HSPA5: variants seen among roughly 807,000 people sequenced by gnomAD.
HSPA5 encodes the protein endoplasmic reticulum chaperone BiP.
Under a neutral mutation model 49.5 loss-of-function variants are expected in HSPA5, and 16 were observed. The observed-to-expected ratio is 0.32, with a 90% CI of 0.22 to 0.49. The LOEUF is 0.49. Ranked by LOEUF, HSPA5 falls within the 20% of genes least tolerant of loss-of-function variation. The pLI, the probability that HSPA5 is intolerant of heterozygous loss-of-function variation, is 0.99. For synonymous variants in HSPA5, 271 were observed against 307.2 expected (o/e 0.88, Z 1.23); for missense variants, 376 against 819.0 (o/e 0.46, Z 6.60).
Position 125,241,249 on chromosome 9 carries a change from A to G in HSPA5, c.-123T>C. On this transcript the variant is annotated 5_prime_UTR_variant, in exon 1 of 8. Transcript: ENST00000324460. ...TCACAAGGCGCCACGAACCAGGCGA[A>G]GGGCAGGTCTAGAAATACAGGCCGC... The G allele has an allele frequency of 8.5e-7, 1 of 1,174,606 alleles. No individual in the cohort carries two copies. Among genetic ancestry groups the G allele is most frequent in the Non-Finnish European group, 1.2e-6 (1 of 835,732 alleles). 72.8% of individuals were successfully genotyped at this position (1,174,606 alleles called of 1,614,324 possible).
chr9:125,239,042 G>C lies in HSPA5; in HGVS notation c.895C>G (p.Leu299Val). 6.2e-7 allele frequency: 1 copy of C among 1,614,140 alleles called. No homozygotes were observed. The highest frequency in any genetic ancestry group is 1.7e-5 in the Admixed American group (1 of 60,004). Residue 299 changes from leucine (L) to valine (V), a missense_variant, in exon 5 of 8, where the codon CTG becomes GTG. Transcript: ENST00000324460. The surrounding 1 kb of genome is among the most constrained non-coding windows in gnomAD (Gnocchi z 5.5). ...ATTCTTGCTTGATGCTGAGAAGACA[G>C]GGCCCGTTTGGCCTTTTCTACCTCG... ...RREVEKAKRA[L>V]SSQHQARIEI... is the part of the protein sequence containing the mutation.
Position 125,238,819 on chromosome 9 carries a change from G to C in HSPA5, c.1005C>G (p.Phe335Leu). 6.2e-7 allele frequency: 1 copy of C among 1,613,470 alleles called. No homozygotes were observed. ...AKFEELNMDL[F>L]RSTMKPVQKV... The stretch of plus-strand genomic sequence containing the variant: ...TCTGGACGGGCTTCATAGTAGACCG[G>C]AACAGATCCTAGAAAAAAGACATGG... The change falls in exon 6 of 8, where the codon TTC (phenylalanine) becomes TTG (leucine). Residue 335 changes from phenylalanine (F) to leucine (L), a missense_variant. Physicochemically the swap from Phe to Leu is conservative, Grantham distance 22 (BLOSUM62 0). Coordinates refer to ENST00000324460, the MANE Select transcript of HSPA5 (RefSeq NM_005347.5).
At chr9:125,238,109 A>G (rs751892921) in intron 7 of HSPA5, 32 bp downstream of exon 7, 2 of 1,577,114 alleles carry the variant, frequency 1.3e-6, no homozygotes, top group South Asian at 1.1e-5. Flanking sequence ...CTCAAAAAAA[A>G]AGCCATGATA....
rs1189166462 is a variant in HSPA5, at chr9:125,240,141, A to C, written c.492+31T>G. 3.2e-6 allele frequency: 5 copies of C among 1,559,956 alleles called. No individual in the cohort carries two copies. Among genetic ancestry groups the C allele is most frequent in the Non-Finnish European group, 4.3e-6 (5 of 1,151,368 alleles). On this transcript the variant is annotated intron_variant, in intron 3 of 7. Coordinates refer to ENST00000324460, the MANE Select transcript of HSPA5 (RefSeq NM_005347.5). This position sits in a 1 kb window ranked among gnomAD's most constrained non-coding sequence, Gnocchi z 4.4. ...CCAACCGAGAATACTAATGATCAAA[A>C]AATACTTAACATTGTTCTAGAAATA...
At position 125,236,887 on chromosome 9, in the gene HSPA5, T is replaced by C. The variant is rs56136100; in HGVS notation, c.1670A>G (p.Glu557Gly). ...KFAEEDKKLK[E>G]RIDTRNELES... ...CAACTCATTTCTAGTATCAATGCGC[T>C]CCTTGAGCTTTTTGTCTTCCTCAGC... is the stretch of plus-strand genomic sequence containing the variant. Residue 557 changes from glutamate to glycine, a missense_variant, in exon 8 of 8, where the codon GAG becomes GGG. Glu to Gly is a moderately conservative substitution (Grantham distance 98). Around this residue, in one of 8 missense-constraint regions of HSPA5, gnomAD observed 71 missense variants for 169.9 expected, o/e 0.42. Transcript: ENST00000324460. The C allele has an allele frequency of 2.0e-3, 3,162 of 1,613,996 alleles. 6 individuals carry two copies. Among genetic ancestry groups the C allele is most frequent in the Non-Finnish European group, 1.9e-3 (2,218 of 1,179,870 alleles).
rs768267622 is a variant in HSPA5 at position 125,236,886 on chromosome 9, C to T, written c.1671G>A (p.Glu557=). The T allele has an allele frequency of 1.2e-6, 2 of 1,613,974 alleles. No homozygotes were observed. Among genetic ancestry groups the T allele is most frequent in the Non-Finnish European group, 1.7e-6 (2 of 1,179,880 alleles). ...CCAACTCATTTCTAGTATCAATGCG[C>T]TCCTTGAGCTTTTTGTCTTCCTCAG... ...KFAEEDKKLK[E]RIDTRNELES... Residue 557 remains glutamate (E), a synonymous_variant, in exon 8 of 8, where the codon GAG becomes GAA. Transcript: ENST00000324460.
chr9:125,235,883 G>C lies in HSPA5; in HGVS notation c.*709C>G, dbSNP rs770818733. On this transcript the variant is annotated 3_prime_UTR_variant, in exon 8 of 8. Coordinates refer to ENST00000324460, the MANE Select transcript of HSPA5 (RefSeq NM_005347.5). Reference sequence around the variant, plus strand: ...CAGAAAGGCAGTTTTAGAAAGATAAGGGGAAATAGGAAACCAAGTATGTTC... The same window carrying C: ...CAGAAAGGCAGTTTTAGAAAGATAACGGGAAATAGGAAACCAAGTATGTTC... 1.3e-5 allele frequency: 2 copies of C among 152,042 alleles called. No individual in the cohort carries two copies. The highest frequency in any genetic ancestry group is 2.9e-5 in the Non-Finnish European group (2 of 68,008). 9.4% of individuals were successfully genotyped at this position (152,042 alleles called of 1,614,324 possible).
rs1027974814 is a variant in HSPA5 at position 125,237,285 on chromosome 9, G to C, written c.1403-131C>G. 53 of 656,974 alleles carry C rather than the reference G, an allele frequency of 8.1e-5. No homozygotes were observed. In the Admixed American group the frequency reaches 1.2e-3, roughly 15 times the overall value. 40.7% of individuals were successfully genotyped at this position (656,974 alleles called of 1,614,324 possible). A position where few individuals can be genotyped will look rare whatever the true frequency, so the allele number is the denominator to read the frequency against. On this transcript the variant is annotated intron_variant, in intron 7 of 7. Coordinates refer to ENST00000324460, the MANE Select transcript of HSPA5 (RefSeq NM_005347.5). ...TCGAGCTAAAAGTAATTTCATATTG[G>C]TCTACAAGGAGCAGCAACTAGTACT...
chr9:125,235,083 C>T lies in HSPA5; in HGVS notation c.*1509G>A, dbSNP rs1237581617. Reference sequence around the variant, plus strand: ...AGGGTCTGCCCAAATGCTTTTCGGGCAGTGCAGCTGAGGCCTAGGTCTAAT... The same window carrying T: ...AGGGTCTGCCCAAATGCTTTTCGGGTAGTGCAGCTGAGGCCTAGGTCTAAT... On this transcript the variant is annotated 3_prime_UTR_variant, in exon 8 of 8. Coordinates refer to ENST00000324460, the MANE Select transcript of HSPA5 (RefSeq NM_005347.5). The T allele has an allele frequency of 6.6e-6, 1 of 152,120 alleles. No homozygotes were observed. Among genetic ancestry groups the T allele is most frequent in the Non-Finnish European group, 1.5e-5 (1 of 68,056 alleles). The allele number at this position is 152,120 out of a possible 1,614,324, so 9.4% of individuals were successfully genotyped here. A position where few individuals can be genotyped will look rare whatever the true frequency, so the allele number is the denominator to read the frequency against.
chr9:125,234,914 T>TCTTTGAGA lies in HSPA5; in HGVS notation c.*1677_*1678insTCTCAAAG. On this transcript the variant is annotated 3_prime_UTR_variant, in exon 8 of 8. Transcript: ENST00000324460. Reference sequence around the variant, plus strand: ...TCAGAAAGAGTTACAGACTAGGTGGTCCACGGTAGTGAGAGCCTTTGAGGT... The same window carrying TCTTTGAGA: ...TCAGAAAGAGTTACAGACTAGGTGGTCTTTGAGACCACGGTAGTGAGAGCCTTTGAGGT... The TCTTTGAGA allele has an allele frequency of 6.6e-6, 1 of 152,218 alleles. No individual in the cohort carries two copies. Among genetic ancestry groups the TCTTTGAGA allele is most frequent in the East Asian group, 1.9e-4 (1 of 5,172 alleles). 9.4% of individuals were successfully genotyped at this position (152,218 alleles called of 1,614,324 possible). A position where few individuals can be genotyped will look rare whatever the true frequency, so the allele number is the denominator to read the frequency against.
At position 125,240,598 on chromosome 9, in the gene HSPA5, C is replaced by CT; in HGVS notation, c.354+77dup. ...ATAACCTTCAACTGTTGTCTCAACACTTTTCCAGAGACTTATAACTCTAAA... is the reference window on the plus strand; with the variant it reads ...ATAACCTTCAACTGTTGTCTCAACACTTTTTCCAGAGACTTATAACTCTAAA... On this transcript the variant is annotated intron_variant, in intron 2 of 7. Transcript: ENST00000324460. The surrounding 1 kb of genome is among the most constrained non-coding windows in gnomAD (Gnocchi z 4.4). 8.2e-7 allele frequency: 1 copy of CT among 1,224,616 alleles called. No homozygotes were observed. The highest frequency in any genetic ancestry group is 1.2e-6 in the Non-Finnish European group (1 of 844,900). 75.9% of individuals were successfully genotyped at this position (1,224,616 alleles called of 1,614,324 possible).
rs538500528 is a variant in HSPA5 at position 125,236,639 on chromosome 9, G to C, written c.1918C>G (p.Pro640Ala). 4 of 1,612,176 alleles carry C rather than the reference G, an allele frequency of 2.5e-6. No individual in the cohort carries two copies. The South Asian group carries it at 4.4e-5, about 18-fold the overall frequency. Residue 640 changes from proline (P) to alanine (A), a missense_variant, in exon 8 of 8, where the codon CCT (proline) becomes GCT (alanine). Transcript: ENST00000324460. ...GTATCCTCTTCACCAGTTGGGGGAG[G>C]GCCTGCACTTCCATAGAGTTTGCTG... Reference protein sequence around the residue: ...IISKLYGSAGPPPTGEEDTAE... With the variant: ...IISKLYGSAGAPPTGEEDTAE...
rs748080410 is a variant in HSPA5, at chr9:125,238,929, C to A, written c.996+12G>T. On this transcript the variant is annotated intron_variant, in intron 5 of 7. Coordinates refer to ENST00000324460, the MANE Select transcript of HSPA5 (RefSeq NM_005347.5). Reference sequence around the variant, plus strand: ...GAGATCTCATTAGCAAAGCAGAAAACAAGGAACATACCATGTTGAGCTCTT... The same window carrying A: ...GAGATCTCATTAGCAAAGCAGAAAAAAAGGAACATACCATGTTGAGCTCTT... 1.9e-6 allele frequency: 3 copies of A among 1,603,010 alleles called. No individual in the cohort carries two copies. Among genetic ancestry groups the A allele is most frequent in the Non-Finnish European group, 1.7e-6 (2 of 1,174,426 alleles).
At position 125,239,554 on chromosome 9, in the gene HSPA5, T is replaced by G. The variant is rs756284969; in HGVS notation, c.493-21A>C. Reference sequence around the variant, plus strand: ...GTAACCTAAAAGGATAAAAGATAATTAAGTGTATTGTCACATAGTTTAACC... The same window carrying G: ...GTAACCTAAAAGGATAAAAGATAATGAAGTGTATTGTCACATAGTTTAACC... On this transcript the variant is annotated intron_variant, in intron 3 of 7. Transcript: ENST00000324460. This position sits in a 1 kb window ranked among gnomAD's most constrained non-coding sequence, Gnocchi z 5.5. 1 of 1,550,684 alleles carries G rather than the reference T, an allele frequency of 6.4e-7. No homozygotes were observed. The highest frequency in any genetic ancestry group is 8.9e-7 in the Non-Finnish European group (1 of 1,122,490).
rs534769309 is a variant in HSPA5, at chr9:125,241,328, T to A, written c.-202A>T. The A allele has an allele frequency of 1.6e-6, 1 of 611,788 alleles. No individual in the cohort carries two copies. The highest frequency in any genetic ancestry group is 2.8e-6 in the Non-Finnish European group (1 of 359,010). The allele number at this position is 611,788 out of a possible 1,614,324, so 37.9% of individuals were successfully genotyped here. On this transcript the variant is annotated 5_prime_UTR_variant, in exon 1 of 8. Transcript: ENST00000324460. The stretch of plus-strand genomic sequence containing the variant: ...CCCCAATAGGTCAATCTGTCTGTGC[T>A]GTCTTGGCCGGCGTCGACCTCACCG...
Position 125,240,765 on chromosome 9 carries a change from C to T in HSPA5, c.265G>A (p.Glu89Lys), listed in dbSNP as rs373292645. 1.1e-5 allele frequency: 17 copies of T among 1,614,110 alleles called. No homozygotes were observed. Among genetic ancestry groups the T allele is most frequent in the African/African-American group, 5.3e-5 (4 of 74,932 alleles). ...CGCTTGGCGTCAAAGACCGTGTTCT[C>T]GGGGTTGGAGGTGAGCTGGTTCTTG... ...AAKNQLTSNP[E>K]NTVFDAKRLI... is the part of the protein sequence containing the mutation. Residue 89 changes from glutamate (E) to lysine (K), a missense_variant, in exon 2 of 8, where the codon GAG becomes AAG. Coordinates refer to ENST00000324460, the MANE Select transcript of HSPA5 (RefSeq NM_005347.5). This position sits in a 1 kb window ranked among gnomAD's most constrained non-coding sequence, Gnocchi z 4.4.
intron 7 of HSPA5, 29 bp downstream of exon 7, chr9:125,238,112 C>G (rs371737725): frequency 1.9e-6 from 3 of 1,581,944 alleles, no homozygotes; most frequent in Admixed American, 3.4e-5. Flanking sequence ...AAAAAAAAAG[C>G]CATGATATTA....
chr9:125,240,790 G>A lies in HSPA5; in HGVS notation c.240C>T (p.Ala80=), dbSNP rs1832555345. The part of the protein sequence containing the change: ...PEGERLIGDA[A]KNQLTSNPEN... The stretch of plus-strand genomic sequence containing the variant: ...CGGGGTTGGAGGTGAGCTGGTTCTT[G>A]GCGGCATCGCCAATCAGACGTTCCC... Residue 80 remains alanine, a synonymous_variant, in exon 2 of 8, where the codon GCC becomes GCT. Coordinates refer to ENST00000324460, the MANE Select transcript of HSPA5 (RefSeq NM_005347.5). The surrounding 1 kb of genome is among the most constrained non-coding windows in gnomAD (Gnocchi z 4.4). 1.2e-6 allele frequency: 2 copies of A among 1,614,136 alleles called. No homozygotes were observed. The highest frequency in any genetic ancestry group is 2.7e-5 in the African/African-American group (2 of 74,950).
Position 125,240,449 on chromosome 9 carries a change from G to A in HSPA5, c.355-140C>T. ...ACTAGAAATACTTCAGGGAGTATAG[G>A]TGTCTTACAAAGTTCAGTTTTAATC... On this transcript the variant is annotated intron_variant, in intron 2 of 7. Transcript: ENST00000324460. This position sits in a 1 kb window ranked among gnomAD's most constrained non-coding sequence, Gnocchi z 4.4. The A allele has an allele frequency of 2.6e-6, 2 of 783,794 alleles. No individual in the cohort carries two copies. Among genetic ancestry groups the A allele is most frequent in the Non-Finnish European group, 4.1e-6 (2 of 489,460 alleles). The allele number at this position is 783,794 out of a possible 1,614,324, so 48.6% of individuals were successfully genotyped here.
Sources: allele counts gnomAD v4.1 joint callset, GRCh38; gene constraint gnomAD v4.1.1; regional missense constraint gnomAD v4.1.1; non-coding constraint Gnocchi (gnomAD v3.1); transcripts MANE v1.5; gene names NCBI Gene and HGNC (gene_info 2026-07-23, HGNC 2026-07-21).